ACO2: variants seen among roughly 807,000 people sequenced by gnomAD.
ACO2 encodes the protein aconitase 2.
A neutral mutation model predicts 84.5 loss-of-function variants in ACO2; 31 were observed. The ratio of observed to expected loss-of-function variants is 0.37; its 90% CI spans 0.28 to 0.50. ACO2 has a LOEUF of 0.50. Ranked by LOEUF, ACO2 falls within the 20% of genes least tolerant of loss-of-function variation. The pLI, the probability that ACO2 is intolerant of heterozygous loss-of-function variation, is 0.97. For missense variants in ACO2, 685 were observed against 1,029.3 expected (o/e 0.67, Z 4.58); for synonymous variants, 414 against 412.7 (o/e 1.00, Z -0.04).
rs960159463 is a variant in ACO2, at chr22:41,515,696, G to A, written c.685-71G>A. The A allele has an allele frequency of 7.5e-6, 12 of 1,607,766 alleles. No homozygotes were observed. Among genetic ancestry groups the A allele is most frequent in the Non-Finnish European group, 9.3e-6 (11 of 1,176,536 alleles). Reference sequence around the variant, plus strand: ...TAAGCAGCAATGTGAATGGCAGCAGGGCCATCCTGACTTCGTGGCTGGCAC... The same window carrying A: ...TAAGCAGCAATGTGAATGGCAGCAGAGCCATCCTGACTTCGTGGCTGGCAC... On this transcript the variant is annotated intron_variant, in intron 5 of 17. Coordinates refer to ENST00000216254, the MANE Select transcript of ACO2 (RefSeq NM_001098.3). The surrounding 1 kb of genome is among the most constrained non-coding windows in gnomAD (Gnocchi z 5.8).
chr22:41,492,151 A>G (rs935566288), intron 1 of ACO2, among the ~76,000 whole-genome samples: 5 of 152,338 alleles, frequency 3.3e-5, no homozygotes, highest in African/African-American at 7.2e-5. Context: ...AGGCACAGAA[A>G]GTGCTTGGCA....
chr22:41,526,588 G>A, intron 15 of ACO2, 135 bp downstream of exon 15: 1 of 994,138 alleles, frequency 1.0e-6, no homozygotes, highest in Non-Finnish European at 1.4e-6. Flanking sequence ...CTGTGGAAGG[G>A]AGGAGAGGCC....
chr22:41,474,187 G>T (rs1043744234), intron 1 of ACO2, among the ~76,000 whole-genome samples: 3 of 152,006 alleles, frequency 2.0e-5, no homozygotes, highest in African/African-American at 4.8e-5. Context: ...ATGGGTTGGC[G>T]CATGGGAGGG....
chr22:41,528,559 T>G lies in ACO2; in HGVS notation c.2289T>G (p.Ile763Met), dbSNP rs1252076322. The G allele has an allele frequency of 6.8e-6, 11 of 1,612,976 alleles. No individual in the cohort carries two copies. ...ACCACACCTTCAACGAGACGCAGAT[T>G]GAGTGGTTCCGCGCTGGCAGTGCCC... ...LLNHTFNETQ[I>M]EWFRAGSALN... is the part of the protein sequence containing the mutation. Residue 763 changes from isoleucine to methionine, a missense_variant, in exon 18 of 18, where the codon ATT becomes ATG. Around this residue, in one of 5 missense-constraint regions of ACO2, gnomAD observed 174 missense variants for 236.6 expected, o/e 0.74. Coordinates refer to ENST00000216254, the MANE Select transcript of ACO2 (RefSeq NM_001098.3).
At chr22:41,473,396 C>G (rs542779909) in intron 1 of ACO2, among the ~76,000 whole-genome samples, 2 of 152,144 alleles carry the variant, frequency 1.3e-5, no homozygotes, top group Non-Finnish European at 2.9e-5. Flanking sequence ...CCCAGCCACT[C>G]GGGAGGCTGA....
chr22:41,484,682 A>C lies in ACO2; in HGVS notation c.37-15044A>C, dbSNP rs547695322. Among the ~76,000 whole-genome samples, 6 of 152,104 alleles carry C rather than the reference A, an allele frequency of 3.9e-5. No homozygotes were observed. In the South Asian group the frequency reaches 1.0e-3, roughly 26 times the overall value. On this transcript the variant is annotated intron_variant, in intron 1 of 17. Transcript: ENST00000216254. ...AGTATTTTACATATTACATAATTAC[A>C]TACTTGCTATTCTTTGGGAACCCAT... is the stretch of plus-strand genomic sequence containing the variant.
intron 7 of ACO2, 33 bp from the exon 8 acceptor site, chr22:41,518,448 A>C (rs770844623): frequency 1.9e-6 from 3 of 1,539,592 alleles, no homozygotes; most frequent in Admixed American, 1.7e-5. Context: ...TTTATGTTTC[A>C]CGTGCTCCAT....
At chr22:41,525,394 C>T (rs1569022832) in intron 14 of ACO2, 46 bp downstream of exon 14, 2 of 1,605,170 alleles carry the variant, frequency 1.2e-6, no homozygotes, top group South Asian at 1.1e-5. Context: ...TGCCAGGGCC[C>T]CCCGTCCCCT....
At chr22:41,476,408 A>G (rs926061611) in intron 1 of ACO2, among the ~76,000 whole-genome samples, 2 of 115,412 alleles carry the variant, frequency 1.7e-5, no homozygotes, top group African/African-American at 9.0e-5. Flanking sequence ...ACTCTGTCTT[A>G]AAAAAAAAAA....
chr22:41,499,663 G>A, intron 1 of ACO2, 63 bp from the exon 2 acceptor site: 1 of 1,566,662 alleles, frequency 6.4e-7, no homozygotes. Flanking sequence ...ATACTGAGCT[G>A]CCCTCGGGGA....
intron 2 of ACO2, among the ~76,000 whole-genome samples, chr22:41,502,970 C>G (rs2146109675): frequency 6.6e-6 from 1 of 152,146 alleles, no homozygotes; most frequent in African/African-American, 2.4e-5. Flanking sequence ...GTCTTGAACT[C>G]CTAGGCTCAA....
At chr22:41,505,965 C>T (rs574447498) in intron 2 of ACO2, among the ~76,000 whole-genome samples, 36 of 152,314 alleles carry the variant, frequency 2.4e-4, no homozygotes, top group Non-Finnish European at 4.6e-4. Context: ...AAGCTGTTAT[C>T]TCATCCCAGT....
intron 9 of ACO2, 100 bp from the exon 10 acceptor site, chr22:41,522,730 G>T (rs2066537143): frequency 5.0e-6 from 7 of 1,388,520 alleles, no homozygotes; most frequent in Non-Finnish European, 6.9e-6. Flanking sequence ...AGCCCAGATG[G>T]TGAACTCTTT....
intron 3 of ACO2, among the ~76,000 whole-genome samples, chr22:41,509,113 C>T (rs1273090610): frequency 4.6e-5 from 7 of 152,174 alleles, no homozygotes; most frequent in Admixed American, 2.0e-4. Context: ...AATAATGTTA[C>T]AGGAGCTCCC....
At chr22:41,491,538 G>C (rs932043115) in intron 1 of ACO2, among the ~76,000 whole-genome samples, 7 of 152,144 alleles carry the variant, frequency 4.6e-5, no homozygotes, top group Non-Finnish European at 8.8e-5. Context: ...ATGAGCTAAG[G>C]CTTCTGGAAA....
chr22:41,469,708 C>G (rs1363379533), intron 1 of ACO2, among the ~76,000 whole-genome samples: 1 of 152,184 alleles, frequency 6.6e-6, no homozygotes, highest in Non-Finnish European at 1.5e-5. Flanking sequence ...GGGGGGCGGT[C>G]TTCTGGGCCC....
intron 15 of ACO2, chr22:41,526,910 G>C (rs754597123): frequency 2.5e-4 from 86 of 341,998 alleles, no homozygotes; most frequent in Non-Finnish European, 3.9e-4. Context: ...TGGTGGCTGG[G>C]TGGGGCAGAG....
At chr22:41,483,117 G>A (rs937037672) in intron 1 of ACO2, among the ~76,000 whole-genome samples, 3 of 152,208 alleles carry the variant, frequency 2.0e-5, no homozygotes, top group Admixed American at 6.5e-5. Flanking sequence ...AGTGGAGGGC[G>A]AGGGCGCAGT....
At chr22:41,485,025 C>T (rs561558941) in intron 1 of ACO2, among the ~76,000 whole-genome samples, 3 of 151,800 alleles carry the variant, frequency 2.0e-5, no homozygotes, top group Non-Finnish European at 4.4e-5. Flanking sequence ...TAGGCGTGTG[C>T]GACCACACTC....
Sources: allele counts gnomAD v4.1 joint callset (sites outside exome capture counted in the v4.1 genomes callset), GRCh38; gene constraint gnomAD v4.1.1; regional missense constraint gnomAD v4.1.1; non-coding constraint Gnocchi (gnomAD v3.1); transcripts MANE v1.5; gene names NCBI Gene and HGNC (gene_info 2026-07-23, HGNC 2026-07-21).